Variants in UNC5D observed in about 807,000 individuals in gnomAD.
UNC5D encodes the protein unc-5 netrin receptor D.
UNC5D carries 39 observed loss-of-function variants against 105.4 expected under a neutral mutation model. The ratio of observed to expected loss-of-function variants is 0.37; its 90% CI spans 0.29 to 0.48. The LOEUF (loss-of-function observed/expected upper bound fraction) is 0.48. Ranked by LOEUF, UNC5D falls within the 20% of genes least tolerant of loss-of-function variation. The pLI is 0.98. For synonymous variants in UNC5D, 452 were observed against 450.4 expected, an observed-to-expected ratio of 1.00 and a Z score of -0.04; for missense variants, 991 against 1,202.4, an observed-to-expected ratio of 0.82 and a Z score of 2.60.
rs5890823 is a variant in UNC5D at position 35,578,269 on chromosome 8, C to CA, written c.466+10040dup. Among the ~76,000 whole-genome samples the CA allele has an allele frequency of 1.4e-3, 101 of 71,452 alleles. 1 individual carries two copies. Among genetic ancestry groups the CA allele is most frequent in the Middle Eastern group, 6.7e-3 (1 of 150 alleles). 46.9% of individuals were successfully genotyped at this position (71,452 alleles called of 152,430 possible). A position where few individuals can be genotyped will look rare whatever the true frequency, so the allele number is the denominator to read the frequency against. Reference sequence around the variant, plus strand: ...GAAAGAAAAAAGAAAAACTCTGTCTCAAAAAAAAAAAAGAAAGAGAAAAGA... The same window carrying CA: ...GAAAGAAAAAAGAAAAACTCTGTCTCAAAAAAAAAAAAAGAAAGAGAAAAGA... On this transcript the variant is annotated intron_variant, in intron 3 of 16. Coordinates refer to ENST00000404895, the MANE Select transcript of UNC5D (RefSeq NM_080872.4).
At chr8:35,314,832 T>C (rs1809164866) in intron 1 of UNC5D, among the ~76,000 whole-genome samples, 1 of 152,112 alleles carries the variant, frequency 6.6e-6, no homozygotes, top group Non-Finnish European at 1.5e-5. Flanking sequence ...CTATAGATAA[T>C]AACAGTACAA....
intron 1 of UNC5D, among the ~76,000 whole-genome samples, chr8:35,489,967 C>CTTAGT (rs1286021162): frequency 6.6e-6 from 1 of 152,150 alleles, no homozygotes; most frequent in Non-Finnish European, 1.5e-5. Context: ...AGATTCTATG[C>CTTAGT]TTAGTAAATA....
At chr8:35,398,103 AT>A (rs1384819384) in intron 1 of UNC5D, among the ~76,000 whole-genome samples, 2 of 152,192 alleles carry the variant, frequency 1.3e-5, no homozygotes, top group Non-Finnish European at 2.9e-5. Flanking sequence ...ATGCCTATTA[AT>A]TTTTTAAAGC....
At chr8:35,380,251 G>A (rs1003437382) in intron 1 of UNC5D, among the ~76,000 whole-genome samples, 3 of 150,872 alleles carry the variant, frequency 2.0e-5, no homozygotes, top group Non-Finnish European at 4.4e-5. Context: ...GAGAGAGACC[G>A]AGACCTCTGG....
intron 1 of UNC5D, among the ~76,000 whole-genome samples, chr8:35,326,639 A>C (rs746995645): frequency 6.6e-6 from 1 of 152,116 alleles, no homozygotes; most frequent in Non-Finnish European, 1.5e-5. Flanking sequence ...CTGTAGTGCC[A>C]TCTACTTGGG....
intron 1 of UNC5D, among the ~76,000 whole-genome samples, chr8:35,528,180 A>C (rs574389819): frequency 4.6e-5 from 7 of 150,644 alleles, no homozygotes; most frequent in African/African-American, 1.7e-4. Context: ...ATATCTCCCA[A>C]TGCTATCCCT....
chr8:35,271,648 TGTATACCTATATTTATACAG>T lies in UNC5D; in HGVS notation c.103+35768_103+35787del, dbSNP rs1805351362. On this transcript the variant is annotated intron_variant, in intron 1 of 16. Transcript: ENST00000404895. ...TGTAACATATATTATGTATACCATATGTATACCTATATTTATACAGGTATACATATATATGTATACATGTA... is the reference window on the plus strand; with the variant it reads ...TGTAACATATATTATGTATACCATATGTATACATATATATGTATACATGTA... 2.8e-5 allele frequency among the ~76,000 whole-genome samples: 4 copies of T among 143,834 alleles called. No individual in the cohort carries two copies. The Admixed American group carries it at 2.8e-4, about 10-fold the overall frequency. The allele number at this position is 143,834 out of a possible 152,430, so 94.4% of individuals were successfully genotyped here.
At chr8:35,512,569 A>ATATATATATATATATATATCTCTC (rs539399345) in intron 1 of UNC5D, among the ~76,000 whole-genome samples, 1 of 64,840 alleles carries the variant, frequency 1.5e-5, no homozygotes, top group African/African-American at 8.1e-5. Context: ...ATATATATAT[A>ATATATATATATATATATATCTCTC]TCTGAATAGA....
intron 1 of UNC5D, among the ~76,000 whole-genome samples, chr8:35,280,535 T>C (rs1265910112): frequency 6.6e-6 from 1 of 152,196 alleles, no homozygotes; most frequent in Middle Eastern, 3.2e-3. Context: ...GTGAGTGTTG[T>C]AGTTGTTATT....
intron 6 of UNC5D, 77 bp downstream of exon 6, chr8:35,684,826 C>T (rs1825898251): frequency 3.4e-6 from 5 of 1,465,494 alleles, no homozygotes; most frequent in South Asian, 1.6e-5. Context: ...TCAATGTTAC[C>T]TTCTTTTCCA....
chr8:35,537,442 G>A (rs114691380), intron 1 of UNC5D, among the ~76,000 whole-genome samples: 169 of 152,228 alleles, frequency 1.1e-3, no homozygotes, highest in Middle Eastern at 3.4e-3. Context: ...CATTTTGGGA[G>A]GCCAAGGTGA....
At chr8:35,525,853 T>C in intron 1 of UNC5D, 2 of 1,295,392 alleles carry the variant, frequency 1.5e-6, no homozygotes, top group Non-Finnish European at 2.1e-6. Context: ...CATTTAGTCA[T>C]AGTAAAATCC....
intron 13 of UNC5D, among the ~76,000 whole-genome samples, chr8:35,753,532 C>T (rs1245210148): frequency 6.6e-6 from 1 of 152,134 alleles, no homozygotes; most frequent in Admixed American, 6.5e-5. Flanking sequence ...TGATTACAGG[C>T]GTGAGCCACC....
chr8:35,523,362 C>T (rs957772491), intron 1 of UNC5D, among the ~76,000 whole-genome samples: 61 of 152,044 alleles, frequency 4.0e-4, no homozygotes, highest in African/African-American at 1.4e-3. Context: ...GGATTACAGG[C>T]ATGAGCCACC....
At chr8:35,329,816 T>G in intron 1 of UNC5D, among the ~76,000 whole-genome samples, 1 of 152,160 alleles carries the variant, frequency 6.6e-6, no homozygotes, top group East Asian at 1.9e-4. Context: ...CTAATTCTAT[T>G]ATTATTTGTT....
intron 1 of UNC5D, among the ~76,000 whole-genome samples, chr8:35,323,876 A>G (rs1269521409): frequency 1.3e-5 from 2 of 152,092 alleles, no homozygotes; most frequent in Non-Finnish European, 2.9e-5. Context: ...TTCGTTAGGA[A>G]AATCCCTGGT....
At chr8:35,653,387 A>G (rs1396940553) in intron 4 of UNC5D, among the ~76,000 whole-genome samples, 3 of 152,216 alleles carry the variant, frequency 2.0e-5, no homozygotes, top group Non-Finnish European at 4.4e-5. Flanking sequence ...TATTTGAGCC[A>G]TGCTTCTCAA....
At chr8:35,574,361 C>T (rs1276150312) in intron 3 of UNC5D, among the ~76,000 whole-genome samples, 1 of 152,140 alleles carries the variant, frequency 6.6e-6, no homozygotes, top group Non-Finnish European at 1.5e-5. Flanking sequence ...CAGAAAACCA[C>T]TATTTTGTTT....
chr8:35,775,400 C>T (rs1802199268), intron 16 of UNC5D, among the ~76,000 whole-genome samples: 1 of 152,050 alleles, frequency 6.6e-6, no homozygotes, highest in Non-Finnish European at 1.5e-5. Context: ...GACTTTATTA[C>T]TTTAGGTAAG....
Sources: allele counts gnomAD v4.1 joint callset (sites outside exome capture counted in the v4.1 genomes callset), GRCh38; gene constraint gnomAD v4.1.1; transcripts MANE v1.5; gene names NCBI Gene and HGNC (gene_info 2026-07-23, HGNC 2026-07-21).